The following RGS3 variants were observed in gnomAD, a reference collection of about 807,000 sequenced individuals.
RGS3 encodes the protein regulator of G protein signaling 3, also known as regulator of G-protein signalling 3.
RGS3 carries 80 observed loss-of-function variants against 132.6 expected under a neutral mutation model. The observed-to-expected ratio is 0.60, with a 90% confidence interval of 0.50 to 0.73. The LOEUF is 0.73. RGS3 is among the 30% of genes least tolerant of loss of function. RGS3 has a pLI of 0.00. For missense variants in RGS3, 1,382 were observed against 1,530.8 expected, an observed-to-expected ratio of 0.90 and a Z score of 1.62; for synonymous variants, 598 against 620.6, an observed-to-expected ratio of 0.96 and a Z score of 0.54.
chr9:113,554,599 G>GT (rs1564564027), intron 19 of RGS3, among the ~76,000 whole-genome samples: 1 of 152,204 alleles, frequency 6.6e-6, no homozygotes, highest in Non-Finnish European at 1.5e-5. Context: ...GAGCCACTGC[G>GT]TCCAGCCTCA....
chr9:113,573,056 C>G (rs1834360722), intron 19 of RGS3, among the ~76,000 whole-genome samples: 1 of 152,236 alleles, frequency 6.6e-6, no homozygotes, highest in African/African-American at 2.4e-5. Flanking sequence ...AGGTGCCAGG[C>G]CCTATGCTAA....
chr9:113,494,937 G>A (rs968287902), intron 7 of RGS3, among the ~76,000 whole-genome samples: 3 of 151,968 alleles, frequency 2.0e-5, no homozygotes, highest in African/African-American at 4.8e-5. Flanking sequence ...GTGCAGTGGT[G>A]CGATCTTGGC....
chr9:113,574,260 C>T (rs1834413472), intron 19 of RGS3, among the ~76,000 whole-genome samples: 1 of 152,202 alleles, frequency 6.6e-6, no homozygotes, highest in Admixed American at 6.5e-5. Context: ...CATGCTCCTG[C>T]CTCATCCAAC....
At chr9:113,498,122 C>A in intron 10 of RGS3, 42 bp downstream of exon 8, 1 of 1,595,290 alleles carries the variant, frequency 6.3e-7, no homozygotes, top group Non-Finnish European at 8.6e-7. Flanking sequence ...GGAGCTGGAT[C>A]TGCTCCTTGA....
intron 18 of RGS3, among the ~76,000 whole-genome samples, chr9:113,533,519 C>T (rs1399043188): frequency 1.3e-5 from 2 of 152,208 alleles, no homozygotes; most frequent in Admixed American, 6.5e-5. Context: ...GCATGAGCCA[C>T]CGTGCCCAGC....
chr9:113,514,259 A>G (rs1831539405), intron 14 of RGS3, among the ~76,000 whole-genome samples, 199 bp from the exon 13 acceptor site: 1 of 152,134 alleles, frequency 6.6e-6, no homozygotes. Flanking sequence ...GTCTCTCACT[A>G]GAGTGCGAGG....
chr9:113,592,119 C>T (rs1372767236), intron 21 of RGS3: 12 of 152,370 alleles, frequency 7.9e-5, no homozygotes, highest in Admixed American at 6.5e-4. Context: ...TAGGGAGGAG[C>T]CTCCTGCAAC....
chr9:113,567,102 G>A (rs1834046740), intron 19 of RGS3, among the ~76,000 whole-genome samples: 3 of 152,246 alleles, frequency 2.0e-5, no homozygotes, highest in Non-Finnish European at 2.9e-5. Context: ...AGTCTCCAGG[G>A]CTTTGAGCCA....
Position 113,463,969 on chromosome 9 carries a change from C to T in RGS3, c.415+1768C>T, listed in dbSNP as rs1172924817. ...CAGCCCCTCGTGGTGACAGGGGAGG[C>T]TGGGAGCAGGTGCTCTTTCTATCTA... On this transcript the variant is annotated intron_variant, in intron 3 of 24. Coordinates refer to ENST00000350696, the Ensembl canonical transcript of RGS3. The surrounding 1 kb of genome is among the most constrained non-coding windows in gnomAD (Gnocchi z 4.6). The T allele has an allele frequency of 2.1e-6, 3 of 1,422,822 alleles. No individual in the cohort carries two copies. In the Admixed American group the frequency reaches 6.0e-5, roughly 29 times the overall value. The allele number at this position is 1,422,822 out of a possible 1,614,324, so 88.1% of individuals were successfully genotyped here.
chr9:113,483,966 C>G (rs1216336666), intron 5 of RGS3, among the ~76,000 whole-genome samples, 172 bp from the exon 4 acceptor site: 1 of 152,064 alleles, frequency 6.6e-6, no homozygotes, highest in Non-Finnish European at 1.5e-5. Context: ...TGTCTCTTGC[C>G]CTGGGCTCCT....
At chr9:113,594,283 C>T (rs750743282) in intron 21 of RGS3, 147 bp from the exon 20 acceptor site, 9 of 1,603,652 alleles carry the variant, frequency 5.6e-6, no homozygotes, top group South Asian at 3.3e-5. Context: ...AGAGATGCTC[C>T]GAGGCATGTA....
chr9:113,514,580 C>T (rs1219581433), exon 15 of RGS3: 34 of 1,614,004 alleles, frequency 2.1e-5, no homozygotes, highest in Non-Finnish European at 2.8e-5. Context: ...TGTGAGGCCG[C>T]ATGCCACGCA....
intron 2 of RGS3, chr9:113,462,008 C>T (rs751315133): frequency 4.7e-5 from 76 of 1,611,856 alleles, no homozygotes; most frequent in Non-Finnish European, 6.3e-5. Context: ...ATGCTCCCAT[C>T]TTGCTCCTGC....
At chr9:113,499,366 A>G (rs981286579) in intron 10 of RGS3, among the ~76,000 whole-genome samples, 5 of 152,146 alleles carry the variant, frequency 3.3e-5, no homozygotes, top group African/African-American at 9.7e-5. Flanking sequence ...AGGGACATAC[A>G]TGGTTCAGAG....
chr9:113,558,663 T>A (rs1833667495), intron 19 of RGS3, among the ~76,000 whole-genome samples: 1 of 152,194 alleles, frequency 6.6e-6, no homozygotes, highest in African/African-American at 2.4e-5. Flanking sequence ...CAAAGCCATT[T>A]AAATCAGGGC....
chr9:113,508,230 C>T (rs928308944), intron 13 of RGS3, among the ~76,000 whole-genome samples: 4 of 152,158 alleles, frequency 2.6e-5, no homozygotes, highest in African/African-American at 7.2e-5. Flanking sequence ...CACTTTAGGG[C>T]GTGGTTGGTA....
chr9:113,455,483 G>C (rs1057164829), upstream of RGS3, among the ~76,000 whole-genome samples: 24 of 152,152 alleles, frequency 1.6e-4, no homozygotes, highest in Non-Finnish European at 3.5e-4. Context: ...CTGCTTTTCT[G>C]GCTCTTATCA....
Position 113,463,231 on chromosome 9 carries a change from A to G in RGS3, c.415+1030A>G, listed in dbSNP as rs1564447396. On this transcript the variant is annotated intron_variant, in intron 3 of 24. Coordinates refer to ENST00000350696, the Ensembl canonical transcript of RGS3. This position sits in a 1 kb window ranked among gnomAD's most constrained non-coding sequence, Gnocchi z 4.6. ...GGCTCAAGAGAGTGATCCAGGATGCAGGGTTTGGGAAGAGGATGCAGCATG... is the reference window on the plus strand; with the variant it reads ...GGCTCAAGAGAGTGATCCAGGATGCGGGGTTTGGGAAGAGGATGCAGCATG... 6.6e-6 allele frequency among the ~76,000 whole-genome samples: 1 copy of G among 152,186 alleles called. No homozygotes were observed. The highest frequency in any genetic ancestry group is 1.5e-5 in the Non-Finnish European group (1 of 68,022).
intron 19 of RGS3, among the ~76,000 whole-genome samples, chr9:113,542,813 G>T (rs1333431978): frequency 1.3e-5 from 2 of 152,230 alleles, no homozygotes; most frequent in Admixed American, 1.3e-4. Context: ...TCTGTCCCAT[G>T]CTGAGCATTG....
Sources: gnomAD v4.1 joint callset for allele counts (sites outside exome capture counted in the v4.1 genomes callset) on GRCh38, gnomAD v4.1.1 for gene constraint, Gnocchi (gnomAD v3.1) non-coding constraint, MANE v1.5 for transcripts, NCBI Gene and HGNC (gene_info 2026-07-23, HGNC 2026-07-21) for gene names.